COL12A1: variants seen among roughly 807,000 people sequenced by gnomAD.
The protein encoded by COL12A1 is collagen type XII alpha 1 chain, also known as collagen alpha-1(XII) chain.
COL12A1 carries 114 observed loss-of-function variants against 349.7 expected under a neutral mutation model. That is an observed-to-expected ratio of 0.33 (90% CI 0.28 to 0.38). The LOEUF is 0.38. Ranked by LOEUF, COL12A1 falls within the 10% of genes least tolerant of loss-of-function variation. The pLI is 1.00. For missense variants in COL12A1, 3,284 were observed against 3,756.9 expected, an observed-to-expected ratio of 0.87 and a Z score of 3.29; for synonymous variants, 1,369 against 1,329.0, an observed-to-expected ratio of 1.03 and a Z score of -0.66.
At chr6:75,142,778 C>T (rs1277165974) in intron 26 of COL12A1, among the ~76,000 whole-genome samples, 1 of 152,146 alleles carries the variant, frequency 6.6e-6, no homozygotes, top group East Asian at 1.9e-4. Flanking sequence ...ACGGAACTCC[C>T]AAAAGAACAC....
At chr6:75,160,089 A>G (rs1205252970) in intron 14 of COL12A1, among the ~76,000 whole-genome samples, 1 of 151,910 alleles carries the variant, frequency 6.6e-6, no homozygotes, top group Non-Finnish European at 1.5e-5. Flanking sequence ...GGTTTCCCAT[A>G]ACCAAAGAGC....
chr6:75,160,072 C>A (rs972112879), intron 14 of COL12A1, among the ~76,000 whole-genome samples: 1 of 151,732 alleles, frequency 6.6e-6, no homozygotes, highest in Admixed American at 6.6e-5. Context: ...AAAAAAAAAC[C>A]CTTGTTGGTT....
At chr6:75,116,403 G>A (rs542598444) in intron 47 of COL12A1, among the ~76,000 whole-genome samples, 2 of 152,186 alleles carry the variant, frequency 1.3e-5, no homozygotes, top group South Asian at 4.2e-4. Flanking sequence ...TGCAAAGGTA[G>A]GAGGAGCTTG....
At chr6:75,187,743 G>GA (rs1002202727) in intron 8 of COL12A1, among the ~76,000 whole-genome samples, 3 of 152,054 alleles carry the variant, frequency 2.0e-5, no homozygotes, top group Non-Finnish European at 2.9e-5. Flanking sequence ...AACAATGATG[G>GA]AAAAATATAA....
chr6:75,108,976 C>G, intron 52 of COL12A1, 42 bp downstream of exon 52: 1 of 1,573,620 alleles, frequency 6.4e-7, no homozygotes. Context: ...CCATTTCAAT[C>G]TTAACACAAG....
chr6:75,142,273 G>C (rs557413106), intron 26 of COL12A1, 112 bp from the exon 27 acceptor site: 2 of 1,306,122 alleles, frequency 1.5e-6, no homozygotes, highest in East Asian at 4.7e-5. Context: ...GATCAGAAAA[G>C]AGCAGTGTTT....
intron 13 of COL12A1, among the ~76,000 whole-genome samples, chr6:75,167,371 G>T (rs1430309431): frequency 2.0e-5 from 3 of 152,060 alleles, no homozygotes; most frequent in Non-Finnish European, 4.4e-5. Flanking sequence ...CTAGATTGCA[G>T]TCAGGAACAG....
At chr6:75,089,971 AC>A in intron 63 of COL12A1, 138 bp downstream of exon 63, 1 of 819,764 alleles carries the variant, frequency 1.2e-6, no homozygotes, top group Non-Finnish European at 2.0e-6. Flanking sequence ...GAGTTGCCTA[AC>A]AGCTCTTCTG....
At chr6:75,127,608 A>G (rs1166564662) in intron 38 of COL12A1, among the ~76,000 whole-genome samples, 1 of 152,192 alleles carries the variant, frequency 6.6e-6, no homozygotes, top group African/African-American at 2.4e-5. Context: ...CCATTGCTGC[A>G]CATTAATTAG....
At chr6:75,202,343 C>A (rs1770573716) in intron 2 of COL12A1, among the ~76,000 whole-genome samples, 1 of 152,236 alleles carries the variant, frequency 6.6e-6, no homozygotes, top group South Asian at 2.1e-4. Context: ...TGCGCCCGCT[C>A]TTCGGGGCTC....
chr6:75,199,685 CAG>C (rs1474435110), intron 2 of COL12A1, among the ~76,000 whole-genome samples: 1 of 152,136 alleles, frequency 6.6e-6, no homozygotes, highest in Non-Finnish European at 1.5e-5. Context: ...CTAGGCCACT[CAG>C]ATACAGTTGA....
chr6:75,124,395 A>T (rs760561967), intron 40 of COL12A1, 24 bp from the exon 41 acceptor site: 2 of 1,526,118 alleles, frequency 1.3e-6, no homozygotes, highest in Non-Finnish European at 1.8e-6. Flanking sequence ...AAAGAAAGAG[A>T]TTTACTTTGT....
chr6:75,191,138 T>G (rs1466588900), intron 5 of COL12A1, among the ~76,000 whole-genome samples: 1 of 151,940 alleles, frequency 6.6e-6, no homozygotes, highest in Non-Finnish European at 1.5e-5. Context: ...TTCATCTGAT[T>G]ACAAATGCAC....
chr6:75,154,636 G>T, intron 16 of COL12A1, 99 bp from the exon 17 acceptor site: 1 of 1,260,846 alleles, frequency 7.9e-7, no homozygotes, highest in Non-Finnish European at 1.1e-6. Context: ...TGATTTACAA[G>T]CTTACACTAT....
At chr6:75,138,650 G>A in intron 28 of COL12A1, 70 bp from the exon 29 acceptor site, 1 of 1,588,982 alleles carries the variant, frequency 6.3e-7, no homozygotes, top group Non-Finnish European at 8.6e-7. Flanking sequence ...ACACTCAATG[G>A]CAGTTTATTC....
intron 20 of COL12A1, 56 bp downstream of exon 20, chr6:75,151,811 A>G (rs1767504823): frequency 6.6e-7 from 1 of 1,520,928 alleles, no homozygotes; most frequent in Non-Finnish European, 8.8e-7. Flanking sequence ...AACTACGAAA[A>G]ATATCCTCAG....
At chr6:75,201,250 AT>A (rs1464042158) in intron 2 of COL12A1, among the ~76,000 whole-genome samples, 1 of 152,210 alleles carries the variant, frequency 6.6e-6, no homozygotes, top group African/African-American at 2.4e-5. Context: ...CTCAAATAAA[AT>A]TCCTTCCTAA....
chr6:75,200,863 C>CA (rs1770491505), intron 2 of COL12A1, among the ~76,000 whole-genome samples: 2 of 146,690 alleles, frequency 1.4e-5, no homozygotes, highest in Non-Finnish European at 3.0e-5. Flanking sequence ...AGAATAAGGC[C>CA]AAAAAATGAA....
intron 65 of COL12A1, chr6:75,087,309 C>A (rs952689402): frequency 1.9e-5 from 8 of 412,146 alleles, no homozygotes; most frequent in South Asian, 9.3e-5. Context: ...TACTAGCATG[C>A]TTTGAAGTCC....
Sources: gnomAD v4.1 joint callset for allele counts (sites outside exome capture counted in the v4.1 genomes callset) on GRCh38, gnomAD v4.1.1 for gene constraint, MANE v1.5 for transcripts, NCBI Gene and HGNC (gene_info 2026-07-23, HGNC 2026-07-21) for gene names.